The following DCUN1D4 variants were observed in gnomAD, a reference collection of about 807,000 sequenced individuals.
The protein encoded by DCUN1D4 is defective in cullin neddylation 1 domain containing 4, also known as DCN1-like protein 4.
In DCUN1D4, 22 loss-of-function variants were observed where a neutral mutation model predicts 47.9. The observed-to-expected ratio is 0.46, with a 90% confidence interval of 0.33 to 0.66. The LOEUF (loss-of-function observed/expected upper bound fraction) is 0.66. Among genes scored for constraint, DCUN1D4 ranks in the 30% least tolerant of loss-of-function variants. DCUN1D4 has a pLI of 0.02. For missense variants in DCUN1D4, 301 were observed against 340.8 expected (o/e 0.88, Z 0.92); for synonymous variants, 121 against 112.2 (o/e 1.08, Z -0.50).
chr4:51,857,821 A>G (rs1054072541), intron 1 of DCUN1D4, among the ~76,000 whole-genome samples: 6 of 152,154 alleles, frequency 3.9e-5, no homozygotes, highest in African/African-American at 1.4e-4. Flanking sequence ...AGTGCCCTGA[A>G]TGTATTGAAT....
intron 5 of DCUN1D4, among the ~76,000 whole-genome samples, chr4:51,885,550 G>A (rs552290374): frequency 6.6e-6 from 1 of 152,086 alleles, no homozygotes; most frequent in African/African-American, 2.4e-5. Context: ...GAAGATGAGT[G>A]TAGTTACGGC....
chr4:51,866,447 G>T (rs967862961), intron 3 of DCUN1D4, among the ~76,000 whole-genome samples: 3 of 151,904 alleles, frequency 2.0e-5, no homozygotes, highest in Non-Finnish European at 4.4e-5. Context: ...ATTTATATTT[G>T]CCACTTTTCC....
At chr4:51,870,702 A>G (rs1726753194) in intron 3 of DCUN1D4, among the ~76,000 whole-genome samples, 1 of 152,218 alleles carries the variant, frequency 6.6e-6, no homozygotes, top group Admixed American at 6.5e-5. Flanking sequence ...TTGCACGTGC[A>G]CTTGAGAAAT....
At chr4:51,841,808 T>C (rs1271619008), upstream of DCUN1D4, among the ~76,000 whole-genome samples, 1 of 152,030 alleles carries the variant, frequency 6.6e-6, no homozygotes, top group East Asian at 1.9e-4. Context: ...CCCAAAAGCC[T>C]GGGCTGTAGA....
chr4:51,843,556 G>A, intron 1 of DCUN1D4: 1 of 1,275,850 alleles, frequency 7.8e-7, no homozygotes, highest in Non-Finnish European at 9.8e-7. Flanking sequence ...GACGTGCGAT[G>A]AAGGGCCGAG....
At chr4:51,873,973 CAGAA>C (rs1318354536) in intron 3 of DCUN1D4, among the ~76,000 whole-genome samples, 2 of 152,132 alleles carry the variant, frequency 1.3e-5, no homozygotes, top group Non-Finnish European at 2.9e-5. Flanking sequence ...ATAAGAGAAA[CAGAA>C]AGGTTAGATG....
intron 6 of DCUN1D4, chr4:51,887,047 A>G (rs1577979627): frequency 2.2e-5 from 10 of 452,698 alleles, no homozygotes; most frequent in South Asian, 1.4e-4. Flanking sequence ...GTAGATTGTA[A>G]TCATCAAGAA....
At chr4:51,867,748 C>G (rs1726192802) in intron 3 of DCUN1D4, among the ~76,000 whole-genome samples, 1 of 152,224 alleles carries the variant, frequency 6.6e-6, no homozygotes, top group African/African-American at 2.4e-5. Context: ...ACCATAAGTT[C>G]TCACTCTAGT....
intron 8 of DCUN1D4, among the ~76,000 whole-genome samples, chr4:51,904,121 T>C (rs895377234): frequency 6.6e-6 from 1 of 152,134 alleles, no homozygotes; most frequent in Non-Finnish European, 1.5e-5. Context: ...TAGATAGCGT[T>C]GAGTTTGTTT....
At chr4:51,887,904 G>GTT (rs76995556) in intron 6 of DCUN1D4, among the ~76,000 whole-genome samples, 11 of 128,374 alleles carry the variant, frequency 8.6e-5, no homozygotes, top group African/African-American at 2.3e-4. Context: ...TTTTTTTTTG[G>GTT]TTTTTTTTTT....
rs375111941 is a variant in DCUN1D4 at position 51,893,890 on chromosome 4, C to A, written c.506+2039C>A. Among the ~76,000 whole-genome samples the A allele has an allele frequency of 5.9e-5, 9 of 152,290 alleles. No homozygotes were observed. In the South Asian group the frequency reaches 1.9e-3, roughly 32 times the overall value. On this transcript the variant is annotated intron_variant, in intron 7 of 10. Coordinates refer to ENST00000334635, the MANE Select transcript of DCUN1D4 (RefSeq NM_001040402.3). Reference sequence around the variant, plus strand: ...GGTGTGATACCCAGTTTGTATAGTACTGAGTTCTTTACGAAAGAATGTCCC... The same window carrying A: ...GGTGTGATACCCAGTTTGTATAGTAATGAGTTCTTTACGAAAGAATGTCCC...
At chr4:51,885,476 T>G (rs1729328451) in intron 5 of DCUN1D4, among the ~76,000 whole-genome samples, 1 of 152,144 alleles carries the variant, frequency 6.6e-6, no homozygotes, top group South Asian at 2.1e-4. Flanking sequence ...CGAGAGACAT[T>G]GGGCTCCGTT....
chr4:51,856,393 T>C (rs1032357958), intron 1 of DCUN1D4, among the ~76,000 whole-genome samples: 22 of 152,234 alleles, frequency 1.4e-4, no homozygotes, highest in Admixed American at 1.3e-4. Flanking sequence ...GTGTTAAATC[T>C]TTTCTGTACC....
intron 1 of DCUN1D4, among the ~76,000 whole-genome samples, chr4:51,857,233 T>G (rs1724275498): frequency 6.6e-6 from 1 of 152,130 alleles, no homozygotes; most frequent in African/African-American, 2.4e-5. Flanking sequence ...AGAGTTGAAT[T>G]TGTGTAAGCT....
At chr4:51,893,702 G>T (rs187181131) in intron 7 of DCUN1D4, among the ~76,000 whole-genome samples, 2 of 152,312 alleles carry the variant, frequency 1.3e-5, no homozygotes, top group Admixed American at 6.5e-5. Flanking sequence ...GATTACAGGC[G>T]TAAGCCACCG....
At chr4:51,861,516 T>C (rs1438122077) in intron 1 of DCUN1D4, among the ~76,000 whole-genome samples, 2 of 152,154 alleles carry the variant, frequency 1.3e-5, no homozygotes, top group African/African-American at 4.8e-5. Flanking sequence ...GATTCTCTTA[T>C]GGGAATTTTG....
At chr4:51,903,483 A>G (rs898748102) in intron 8 of DCUN1D4, among the ~76,000 whole-genome samples, 1 of 151,592 alleles carries the variant, frequency 6.6e-6, no homozygotes. Context: ...AATTTTCTTT[A>G]TGTTTATTTT....
intron 1 of DCUN1D4, among the ~76,000 whole-genome samples, chr4:51,852,074 A>C (rs867063553): frequency 9.9e-5 from 15 of 152,034 alleles, no homozygotes; most frequent in Middle Eastern, 3.4e-3. Context: ...CAGCTGATGG[A>C]TTATCTCTTG....
intron 8 of DCUN1D4, chr4:51,910,715 T>C (rs1733591143): frequency 4.0e-6 from 1 of 249,522 alleles, no homozygotes; most frequent in African/African-American, 2.3e-5. Flanking sequence ...ACAATTAGGA[T>C]TTTGATAATT....
Sources: allele counts gnomAD v4.1 joint callset (sites outside exome capture counted in the v4.1 genomes callset), GRCh38; gene constraint gnomAD v4.1.1; transcripts MANE v1.5; gene names NCBI Gene and HGNC (gene_info 2026-07-23, HGNC 2026-07-21).